Variants in CADM2 observed in about 807,000 individuals in gnomAD.
CADM2 encodes immunoglobulin superfamily member 4D.
In CADM2, 12 loss-of-function variants were observed where a neutral mutation model predicts 49.8. The ratio of observed to expected loss-of-function variants is 0.24; its 90% CI spans 0.15 to 0.39. The LOEUF is 0.39. CADM2 is among the 10% of genes least tolerant of loss of function. The probability of loss-of-function intolerance (pLI) is 1.00; values close to 1 mark genes in which losing one functional copy is unlikely to be tolerated. For synonymous variants in CADM2, 214 were observed against 175.4 expected (o/e 1.22, Z -1.74); for missense variants, 378 against 492.3 (o/e 0.77, Z 2.20).
intron 1 of CADM2, among the ~76,000 whole-genome samples, chr3:85,137,232 T>G (rs1169947305): frequency 6.6e-6 from 1 of 151,962 alleles, no homozygotes; most frequent in Non-Finnish European, 1.5e-5. Flanking sequence ...TTTCTAAAAC[T>G]GAGAAAATTT....
At chr3:85,183,770 G>A (rs1257417938) in intron 1 of CADM2, among the ~76,000 whole-genome samples, 1 of 152,058 alleles carries the variant, frequency 6.6e-6, no homozygotes, top group Non-Finnish European at 1.5e-5. Flanking sequence ...ATAATGCAAG[G>A]CGAATTTGTA....
chr3:85,913,350 G>C (rs1325980162), intron 6 of CADM2, among the ~76,000 whole-genome samples: 1 of 152,120 alleles, frequency 6.6e-6, no homozygotes, highest in African/African-American at 2.4e-5. Flanking sequence ...GAGGATAGGA[G>C]ATAATATGTT....
At chr3:85,443,220 A>T (rs1188135202) in intron 1 of CADM2, among the ~76,000 whole-genome samples, 1 of 152,138 alleles carries the variant, frequency 6.6e-6, no homozygotes, top group Admixed American at 6.5e-5. Flanking sequence ...TAAATTATGA[A>T]TTGTTAACCA....
chr3:85,049,367 T>TTTATTTA (rs1559634743), intron 1 of CADM2, among the ~76,000 whole-genome samples: 7 of 91,314 alleles, frequency 7.7e-5, no homozygotes, highest in African/African-American at 6.3e-4. Context: ...TTATTTATTT[T>TTTATTTA]TGAGATGGAG....
At chr3:86,013,077 CGAGATAATGCAATACCAACAATATTT>C in intron 8 of CADM2, 1 of 1,301,010 alleles carries the variant, frequency 7.7e-7, no homozygotes, top group East Asian at 2.3e-5. Context: ...GACAGTTCTT[CGAGATAATGCAATACCAACAATATTT>C]GATCTTACAG....
intron 8 of CADM2, among the ~76,000 whole-genome samples, chr3:85,995,035 T>A (rs1260918971): frequency 1.3e-3 from 53 of 40,212 alleles, no homozygotes; most frequent in African/African-American, 2.3e-3. Flanking sequence ...AAAAAAAAAA[T>A]CATTATCTGC....
intron 3 of CADM2, among the ~76,000 whole-genome samples, chr3:85,847,379 A>C (rs1441671448): frequency 6.6e-6 from 1 of 152,234 alleles, no homozygotes; most frequent in Non-Finnish European, 1.5e-5. Context: ...TGCTGGGATC[A>C]CATAGGAAAT....
At chr3:85,094,952 A>C (rs1026454903) in intron 1 of CADM2, among the ~76,000 whole-genome samples, 1 of 152,168 alleles carries the variant, frequency 6.6e-6, no homozygotes, top group African/African-American at 2.4e-5. Flanking sequence ...AATATGTGCC[A>C]GTCTCCGAAA....
At chr3:85,464,073 C>T (rs1354125329) in intron 1 of CADM2, among the ~76,000 whole-genome samples, 1 of 152,038 alleles carries the variant, frequency 6.6e-6, no homozygotes, top group African/African-American at 2.4e-5. Flanking sequence ...AGTTCACTTT[C>T]CCCTAATAAT....
At chr3:85,649,093 A>C (rs1577013755) in intron 1 of CADM2, among the ~76,000 whole-genome samples, 1 of 152,208 alleles carries the variant, frequency 6.6e-6, no homozygotes, top group East Asian at 1.9e-4. Context: ...AGACCATTTT[A>C]AATAAATTTC....
At chr3:85,553,513 CAAG>C (rs1443261420) in intron 1 of CADM2, among the ~76,000 whole-genome samples, 1 of 113,042 alleles carries the variant, frequency 8.8e-6, no homozygotes. Context: ...CTTTATAAAA[CAAG>C]AAAATTCTAC....
At chr3:85,016,117 A>T (rs1186712522) in intron 1 of CADM2, among the ~76,000 whole-genome samples, 1 of 152,154 alleles carries the variant, frequency 6.6e-6, no homozygotes, top group Non-Finnish European at 1.5e-5. Flanking sequence ...AAGAAGGGTG[A>T]ACATTCATTA....
chr3:85,294,608 C>A (rs1315859774), intron 1 of CADM2, among the ~76,000 whole-genome samples: 1 of 151,910 alleles, frequency 6.6e-6, no homozygotes, highest in Non-Finnish European at 1.5e-5. Context: ...ATCAATGGAA[C>A]AGAACAGAGC....
At chr3:85,487,118 G>T (rs2039448591) in intron 1 of CADM2, among the ~76,000 whole-genome samples, 1 of 152,048 alleles carries the variant, frequency 6.6e-6, no homozygotes, top group African/African-American at 2.4e-5. Flanking sequence ...TTCTTTATAG[G>T]AACGAGGTTG....
intron 1 of CADM2, among the ~76,000 whole-genome samples, chr3:85,278,194 A>G (rs890600173): frequency 6.6e-6 from 1 of 151,368 alleles, no homozygotes; most frequent in Admixed American, 6.6e-5. Flanking sequence ...ATGACTAAAG[A>G]TAAATTTATT....
intron 1 of CADM2, among the ~76,000 whole-genome samples, chr3:85,527,368 T>C (rs2061185131): frequency 7.4e-6 from 1 of 134,740 alleles, no homozygotes; most frequent in African/African-American, 2.5e-5. Context: ...CACTCTAGCC[T>C]GGGCGACAGA....
At chr3:85,820,236 T>C (rs2073468937) in intron 3 of CADM2, among the ~76,000 whole-genome samples, 1 of 152,160 alleles carries the variant, frequency 6.6e-6, no homozygotes, top group Non-Finnish European at 1.5e-5. Context: ...AGAATAATTC[T>C]GAATTTTTCT....
chr3:85,081,123 A>G (rs1332833723), intron 1 of CADM2, among the ~76,000 whole-genome samples: 1 of 152,092 alleles, frequency 6.6e-6, no homozygotes. Context: ...TTACAATTCA[A>G]TATATAGTAT....
At chr3:85,333,586 G>T (rs2044996638) in intron 1 of CADM2, among the ~76,000 whole-genome samples, 1 of 151,630 alleles carries the variant, frequency 6.6e-6, no homozygotes, top group African/African-American at 2.4e-5. Flanking sequence ...ATGTTAATTA[G>T]GTTAATCATT....
Sources: allele counts gnomAD v4.1 joint callset (sites outside exome capture counted in the v4.1 genomes callset), GRCh38; gene constraint gnomAD v4.1.1; transcripts MANE v1.5; gene names NCBI Gene and HGNC (gene_info 2026-07-23, HGNC 2026-07-21).